UBR1: variants seen among roughly 807,000 people sequenced by gnomAD.
UBR1 encodes the protein ubiquitin protein ligase E3 component n-recognin 1.
Under a neutral mutation model 242.1 loss-of-function variants are expected in UBR1, and 102 were observed. The observed-to-expected ratio is 0.42, with a 90% confidence interval of 0.36 to 0.50. UBR1 has a LOEUF of 0.50. UBR1 is among the 20% of genes least tolerant of loss of function. The pLI is 0.01. For missense variants in UBR1, 1,772 were observed against 2,101.8 expected (o/e 0.84, Z 3.07); for synonymous variants, 675 against 684.8 (o/e 0.99, Z 0.22).
intron 22 of UBR1, 55 bp from the exon 23 acceptor site, chr15:43,026,718 A>C (rs2033182906): frequency 4.1e-6 from 6 of 1,458,462 alleles, no homozygotes; most frequent in Non-Finnish European, 5.7e-6. Context: ...TATAAAATAT[A>C]GACAAAATAA....
rs1204243548 is a variant in UBR1, at chr15:42,960,663, T to C, written c.4739A>G (p.Gln1580Arg). ...AACCAACCTGACCACGGTGTTTTTT[T>C]GCTTCAAACAGTTTAGTAAGGCAGG... ...ADPALLNCLK[Q>R]KNTVVRYPRK... The change falls in exon 43 of 47, where the codon CAA (glutamine) becomes CGA (arginine). Residue 1580 changes from glutamine to arginine, a missense_variant. This residue lies in a region of UBR1 where 965 missense variants were observed against 1,079.7 expected (regional missense o/e 0.89). Coordinates refer to ENST00000290650, the MANE Select transcript of UBR1 (RefSeq NM_174916.3). 2 of 1,614,124 alleles carry C rather than the reference T, an allele frequency of 1.2e-6. No homozygotes were observed. Among genetic ancestry groups the C allele is most frequent in the South Asian group, 2.2e-5 (2 of 91,078 alleles).
intron 2 of UBR1, 72 bp from the exon 3 acceptor site, chr15:43,082,788 C>T (rs958007167): frequency 9.0e-7 from 1 of 1,108,280 alleles, no homozygotes; most frequent in South Asian, 1.3e-5. Flanking sequence ...GACTATAATA[C>T]AATGTGAACA....
chr15:43,105,474 G>C (rs1468977694), intron 1 of UBR1, among the ~76,000 whole-genome samples: 1 of 152,112 alleles, frequency 6.6e-6, no homozygotes, highest in Non-Finnish European at 1.5e-5. Flanking sequence ...TATACGCAAG[G>C]ACAATTACTA....
At chr15:43,033,328 T>C (rs1466896004) in intron 19 of UBR1, among the ~76,000 whole-genome samples, 1 of 152,074 alleles carries the variant, frequency 6.6e-6, no homozygotes, top group Non-Finnish European at 1.5e-5. Context: ...CTGACCAACA[T>C]GGTGAAATCT....
At position 42,959,120 on chromosome 15, in the gene UBR1, G is replaced by A. The variant is rs1233345410; in HGVS notation, c.4758-1030C>T. Among the ~76,000 whole-genome samples the A allele has an allele frequency of 2.0e-5, 3 of 152,096 alleles. No homozygotes were observed. The South Asian group carries it at 6.2e-4, about 31-fold the overall frequency. On this transcript the variant is annotated intron_variant, in intron 43 of 46. Coordinates refer to ENST00000290650, the MANE Select transcript of UBR1 (RefSeq NM_174916.3). ...TGCTGGGATTACAGGTGTGAGCCAC[G>A]GCGCCTGGCCCCAATCAATTTAAAT...
intron 46 of UBR1, 72 bp downstream of exon 46, chr15:42,950,189 TG>T: frequency 7.6e-7 from 1 of 1,307,778 alleles, no homozygotes; most frequent in South Asian, 1.2e-5. Context: ...TACAATAATG[TG>T]ACTGAAATAG....
At chr15:43,086,298 G>A (rs1215796392) in intron 1 of UBR1, 58 bp from the exon 2 acceptor site, 1 of 1,582,924 alleles carries the variant, frequency 6.3e-7, no homozygotes. Flanking sequence ...TAATCATCTA[G>A]GGGCACAAAT....
At chr15:42,971,354 C>T (rs1271752550) in intron 39 of UBR1, among the ~76,000 whole-genome samples, 2 of 152,134 alleles carry the variant, frequency 1.3e-5, no homozygotes, top group Non-Finnish European at 2.9e-5. Context: ...TTAAGGAGGA[C>T]CATCCTAAAC....
chr15:43,087,654 C>T (rs2034053930), intron 1 of UBR1, among the ~76,000 whole-genome samples: 1 of 152,062 alleles, frequency 6.6e-6, no homozygotes, highest in African/African-American at 2.4e-5. Context: ...AATTTGTAGA[C>T]AGTTATTAAA....
chr15:43,036,719 A>G lies in UBR1; in HGVS notation c.2023-126T>C, dbSNP rs886398747. The G allele has an allele frequency of 3.8e-5, 25 of 656,724 alleles. No homozygotes were observed. The African/African-American group carries it at 4.2e-4, about 11-fold the overall frequency. The allele number at this position is 656,724 out of a possible 1,614,324, so 40.7% of individuals were successfully genotyped here. A position where few individuals can be genotyped will look rare whatever the true frequency, so the allele number is the denominator to read the frequency against. On this transcript the variant is annotated intron_variant, in intron 17 of 46. Transcript: ENST00000290650. ...CCTCAAAATCCTTAGTGGCAAAAAT[A>G]AGTTGTAAATCTATGAATCACTTAA...
chr15:43,043,114 GT>G, intron 15 of UBR1, 100 bp downstream of exon 15: 1 of 1,326,830 alleles, frequency 7.5e-7, no homozygotes, highest in South Asian at 1.2e-5. Context: ...GAGCATGTCT[GT>G]ACATATTGAG....
In UBR1 at chr15:43,075,012, A is replaced by T. The variant is rs551627937; in HGVS notation, c.495T>A (p.Asn165Lys). The T allele has an allele frequency of 4.3e-6, 7 of 1,614,092 alleles. No individual in the cohort carries two copies. In the East Asian group the frequency reaches 1.6e-4, roughly 36 times the overall value. The change falls in exon 4 of 47, where the codon AAT (asparagine) becomes AAA (lysine). Residue 165 changes from asparagine (N) to lysine (K), a missense_variant. Physicochemically the swap from Asn to Lys is moderately conservative, Grantham distance 94 (BLOSUM62 0). Around this residue, in one of 3 missense-constraint regions of UBR1, gnomAD observed 734 missense variants for 893.3 expected, o/e 0.82. Transcript: ENST00000290650. ...TAGTACCTGCTCTTCCAGGTTCATG[A>T]TTTACACAAAAAGGGCCAGTTTTCC... ...EAWKTGPFCV[N>K]HEPGRAGTIK...
At chr15:43,045,645 C>T (rs901482764) in intron 14 of UBR1, among the ~76,000 whole-genome samples, 44 of 152,300 alleles carry the variant, frequency 2.9e-4, no homozygotes, top group African/African-American at 1.0e-3. Flanking sequence ...CACATACACA[C>T]TTACCATCAA....
intron 12 of UBR1, among the ~76,000 whole-genome samples, chr15:43,054,434 T>C (rs897429608): frequency 8.6e-5 from 13 of 151,482 alleles, no homozygotes; most frequent in Non-Finnish European, 1.8e-4. Context: ...AGAACCAAAG[T>C]GTGTGAGTGG....
At chr15:43,018,733 A>G (rs543006488) in intron 27 of UBR1, among the ~76,000 whole-genome samples, 3 of 152,290 alleles carry the variant, frequency 2.0e-5, no homozygotes, top group African/African-American at 7.2e-5. Flanking sequence ...TCATGAGGAA[A>G]AATTTCCCAC....
intron 35 of UBR1, among the ~76,000 whole-genome samples, chr15:42,988,319 G>T (rs909667833): frequency 6.6e-6 from 1 of 151,922 alleles, no homozygotes; most frequent in Non-Finnish European, 1.5e-5. Context: ...TTTAGAGACA[G>T]GGTCTCACTC....
intron 2 of UBR1, among the ~76,000 whole-genome samples, chr15:43,085,406 G>A (rs17720657): frequency 0.12 from 18,442 of 152,130 alleles, 1,290 homozygotes; most frequent in South Asian, 0.24. Context: ...CTGACATTCC[G>A]TTGGAGAACA....
At chr15:43,095,530 G>C (rs1393835186) in intron 1 of UBR1, among the ~76,000 whole-genome samples, 3 of 147,154 alleles carry the variant, frequency 2.0e-5, no homozygotes, top group Middle Eastern at 3.2e-3. Context: ...TAGAATTAGA[G>C]TGTGACAACA....
intron 32 of UBR1, among the ~76,000 whole-genome samples, chr15:42,998,704 ATTAC>A (rs1371193986): frequency 1.3e-5 from 2 of 152,180 alleles, no homozygotes; most frequent in South Asian, 2.1e-4. Context: ...CCTCACTTGG[ATTAC>A]TTAAATAGAC....
Sources: gnomAD v4.1 joint callset for allele counts (sites outside exome capture counted in the v4.1 genomes callset) on GRCh38, gnomAD v4.1.1 for gene constraint, gnomAD v4.1.1 regional missense constraint, MANE v1.5 for transcripts, NCBI Gene and HGNC (gene_info 2026-07-23, HGNC 2026-07-21) for gene names.